RAB38: variants seen among roughly 807,000 people sequenced by gnomAD.
The protein encoded by RAB38 is RAB38, member RAS oncogene family.
Under a neutral mutation model 18.4 loss-of-function variants are expected in RAB38, and 15 were observed. The ratio of observed to expected loss-of-function variants is 0.82; its 90% confidence interval spans 0.55 to 1.26. The LOEUF (loss-of-function observed/expected upper bound fraction) is 1.26, where lower values mean the gene tolerates loss of function less well. Among genes scored for constraint, RAB38 ranks in the 50% most tolerant of loss-of-function variants. The probability of loss-of-function intolerance (pLI) is 0.00; values close to 1 mark genes in which losing one functional copy is unlikely to be tolerated. For synonymous variants in RAB38, 101 were observed against 104.4 expected, an observed-to-expected ratio of 0.97 and a Z score of 0.20; for missense variants, 294 against 267.4, an observed-to-expected ratio of 1.10 and a Z score of -0.69.
chr11:88,127,100 A>G (rs1942707295), intron 2 of RAB38, among the ~76,000 whole-genome samples: 1 of 152,234 alleles, frequency 6.6e-6, no homozygotes, highest in Non-Finnish European at 1.5e-5. Context: ...TAGATGTTAA[A>G]TTAAAAATAA....
the RAB38 span, among the ~76,000 whole-genome samples, chr11:88,047,552 T>C: frequency 6.6e-6 from 1 of 152,232 alleles, no homozygotes; most frequent in Non-Finnish European, 1.5e-5. Context: ...TCAATATTTA[T>C]ACTGACTCTA....
At chr11:88,112,815 T>C (rs1387814387), downstream of RAB38, among the ~76,000 whole-genome samples, 1 of 151,930 alleles carries the variant, frequency 6.6e-6, no homozygotes, top group Non-Finnish European at 1.5e-5. Flanking sequence ...TATATATGTA[T>C]ATACGACTCC....
At chr11:87,818,565 C>T in the RAB38 span, among the ~76,000 whole-genome samples, 2 of 152,116 alleles carry the variant, frequency 1.3e-5, no homozygotes, top group Non-Finnish European at 2.9e-5. Flanking sequence ...GACACATGAT[C>T]TATGCATACA....
At chr11:87,827,144 G>C in the RAB38 span, among the ~76,000 whole-genome samples, 2 of 152,102 alleles carry the variant, frequency 1.3e-5, no homozygotes, top group Admixed American at 1.3e-4. Context: ...CAATGTGAAA[G>C]GAGTCATCAG....
chr11:88,029,660 A>G, the RAB38 span, among the ~76,000 whole-genome samples: 1 of 152,186 alleles, frequency 6.6e-6, no homozygotes, highest in Non-Finnish European at 1.5e-5. Context: ...TAAAGGCATC[A>G]ATTCAACAAG....
At chr11:88,100,601 A>G in the RAB38 span, among the ~76,000 whole-genome samples, 1 of 151,960 alleles carries the variant, frequency 6.6e-6, no homozygotes, top group Non-Finnish European at 1.5e-5. Context: ...TCATTCTGTT[A>G]TTAGAATTAT....
At chr11:87,923,065 A>G in the RAB38 span, among the ~76,000 whole-genome samples, 44 of 152,134 alleles carry the variant, frequency 2.9e-4, no homozygotes, top group African/African-American at 9.6e-4. Flanking sequence ...TTTGACCTGT[A>G]TATAACAACA....
the RAB38 span, among the ~76,000 whole-genome samples, chr11:88,055,655 A>T: frequency 1.3e-5 from 2 of 152,346 alleles, no homozygotes; most frequent in African/African-American, 2.4e-5. Context: ...TGGACTATTT[A>T]AAAAACATGA....
chr11:88,008,627 C>G, the RAB38 span, among the ~76,000 whole-genome samples: 4 of 152,302 alleles, frequency 2.6e-5, no homozygotes, highest in South Asian at 4.1e-4. Flanking sequence ...AGAAAGAAAA[C>G]AGAGAGATTA....
chr11:87,929,997 C>T, the RAB38 span, among the ~76,000 whole-genome samples: 2 of 152,134 alleles, frequency 1.3e-5, no homozygotes, highest in Non-Finnish European at 2.9e-5. Context: ...CAAGTCTTTG[C>T]TATTGTGAAT....
At chr11:88,166,989 T>C (rs1045019729) in intron 1 of RAB38, 6 of 152,168 alleles carry the variant, frequency 3.9e-5, no homozygotes, top group African/African-American at 1.4e-4. Context: ...TCCTACCACA[T>C]GTCCAAATAC....
the RAB38 span, among the ~76,000 whole-genome samples, chr11:88,087,573 C>T: frequency 8.4e-4 from 127 of 152,020 alleles, 1 homozygote; most frequent in African/African-American, 2.8e-3. Flanking sequence ...ATAGGCAATA[C>T]GCCCAGAGTC....
chr11:88,083,221 T>C, the RAB38 span, among the ~76,000 whole-genome samples: 3 of 151,908 alleles, frequency 2.0e-5, no homozygotes, highest in Admixed American at 2.0e-4. Context: ...CATCCTAAGC[T>C]CTCTTTATAC....
the RAB38 span, among the ~76,000 whole-genome samples, chr11:88,108,223 A>AC: frequency 6.6e-6 from 1 of 152,040 alleles, no homozygotes; most frequent in African/African-American, 2.4e-5. Context: ...AGTGGGTGTT[A>AC]AAGTCTCCCA....
the RAB38 span, among the ~76,000 whole-genome samples, chr11:87,878,222 T>TATATATATATATATATACAC: frequency 1.7e-3 from 202 of 116,196 alleles, 14 homozygotes; most frequent in Middle Eastern, 0.02. Flanking sequence ...TATATATATA[T>TATATATATATATATATACAC]ACACACATAT....
chr11:87,889,258 T>A, the RAB38 span, among the ~76,000 whole-genome samples: 1 of 151,884 alleles, frequency 6.6e-6, no homozygotes, highest in Non-Finnish European at 1.5e-5. Flanking sequence ...TCCCTCTGAC[T>A]GATTCTACAG....
the RAB38 span, among the ~76,000 whole-genome samples, chr11:87,835,524 C>T: frequency 1.3e-5 from 2 of 152,144 alleles, no homozygotes; most frequent in Non-Finnish European, 2.9e-5. Context: ...ACCCCTAGTA[C>T]GTCATAATGT....
the RAB38 span, among the ~76,000 whole-genome samples, chr11:88,042,418 T>C: frequency 1.3e-5 from 2 of 152,218 alleles, no homozygotes; most frequent in Admixed American, 6.5e-5. Context: ...GCTCTTTTCC[T>C]GTACTCATTA....
At chr11:87,828,764 A>G in the RAB38 span, among the ~76,000 whole-genome samples, 9 of 152,042 alleles carry the variant, frequency 5.9e-5, no homozygotes, top group African/African-American at 1.9e-4. Flanking sequence ...CTTTTTTTCA[A>G]TTTGTTCATC....
Sources: allele counts gnomAD v4.1 joint callset (sites outside exome capture counted in the v4.1 genomes callset), GRCh38; gene constraint gnomAD v4.1.1; transcripts MANE v1.5; gene names NCBI Gene and HGNC (gene_info 2026-07-23, HGNC 2026-07-21).